The following USP24 variants were observed in gnomAD, a reference collection of about 807,000 sequenced individuals.
The protein encoded by USP24 is ubiquitin carboxyl-terminal hydrolase 24.
In USP24, 97 loss-of-function variants were observed where a neutral mutation model predicts 361.6. The ratio of observed to expected loss-of-function variants is 0.27; its 90% CI spans 0.23 to 0.32. The LOEUF is 0.32. Ranked by LOEUF, USP24 falls within the 10% of genes least tolerant of loss-of-function variation. The pLI is 1.00. For synonymous variants in USP24, 1,098 were observed against 1,124.6 expected, an observed-to-expected ratio of 0.98 and a Z score of 0.47; for missense variants, 2,353 against 3,165.6, an observed-to-expected ratio of 0.74 and a Z score of 6.16.
intron 20 of USP24, 69 bp from the exon 21 acceptor site, chr1:55,144,272 A>C (rs1425445401): frequency 3.8e-6 from 4 of 1,052,874 alleles, no homozygotes; most frequent in Non-Finnish European, 4.0e-6. Flanking sequence ...AAAAGACTCA[A>C]AGTGGATCAA....
At chr1:55,164,365 T>C (rs1020156802) in intron 7 of USP24, among the ~76,000 whole-genome samples, 1 of 152,028 alleles carries the variant, frequency 6.6e-6, no homozygotes, top group Non-Finnish European at 1.5e-5. Flanking sequence ...CAACTTTCAT[T>C]TCTTGTTTTG....
chr1:55,149,371 G>A, intron 16 of USP24, among the ~76,000 whole-genome samples: 1 of 152,230 alleles, frequency 6.6e-6, no homozygotes, highest in Middle Eastern at 3.4e-3. Flanking sequence ...AAAAACTTAA[G>A]TCCTCAGCAT....
At chr1:55,079,033 C>A (rs1645087524) in intron 60 of USP24, among the ~76,000 whole-genome samples, 1 of 150,128 alleles carries the variant, frequency 6.7e-6, no homozygotes, top group Non-Finnish European at 1.5e-5. Flanking sequence ...CATAGATTCA[C>A]ATATCTGTAA....
chr1:55,215,036 G>A lies in USP24; in HGVS notation c.78C>T (p.Ala26=). ...GFSDPATIRK[A]LRLAKNDINE... is the part of the protein sequence containing the mutation. ...TAATGTCGTTCTTGGCCAGGCGCAGGGCCTTGCGGATGGTGGCGGGGTCTG... is the reference window on the plus strand; with the variant it reads ...TAATGTCGTTCTTGGCCAGGCGCAGAGCCTTGCGGATGGTGGCGGGGTCTG... The change falls in exon 1 of 68, where the codon GCC becomes GCT. Residue 26 remains alanine (A), a synonymous_variant. Transcript: ENST00000294383. The A allele has an allele frequency of 6.8e-7, 1 of 1,473,952 alleles. No homozygotes were observed. Among genetic ancestry groups the A allele is most frequent in the Non-Finnish European group, 9.0e-7 (1 of 1,110,724 alleles). The allele number at this position is 1,473,952 out of a possible 1,614,324, so 91.3% of individuals were successfully genotyped here.
In USP24 at chr1:55,079,551, G is replaced by T; in HGVS notation, c.7187C>A (p.Pro2396His). The change falls in exon 60 of 68, where the codon CCT becomes CAT. Residue 2396 changes from proline to histidine, a missense_variant. Around this residue, in one of 8 missense-constraint regions of USP24, gnomAD observed 598 missense variants for 761.9 expected, o/e 0.78. Coordinates refer to ENST00000294383, the MANE Select transcript of USP24 (RefSeq NM_015306.3). ...EALLFMSEGKPYLLEVMFALR... is the reference protein window; with the variant it reads ...EALLFMSEGKHYLLEVMFALR... ...ACAAGTACATACCTCTAACAGGTAA[G>T]GTTTCCCTTCAGACATGAACAACAA... 3.2e-6 allele frequency: 5 copies of T among 1,574,230 alleles called. No homozygotes were observed. The highest frequency in any genetic ancestry group is 4.3e-6 in the Non-Finnish European group (5 of 1,166,980).
chr1:55,207,651 C>T (rs1175788877), intron 1 of USP24, among the ~76,000 whole-genome samples: 1 of 152,018 alleles, frequency 6.6e-6, no homozygotes, highest in East Asian at 1.9e-4. Context: ...TTAAAGTATA[C>T]GGGAAGATGT....
chr1:55,209,226 G>T (rs1644791023), intron 1 of USP24, among the ~76,000 whole-genome samples: 1 of 152,060 alleles, frequency 6.6e-6, no homozygotes, highest in African/African-American at 2.4e-5. Context: ...AATTTTCCAG[G>T]TGTCTGAAGC....
intron 29 of USP24, 81 bp downstream of exon 29, chr1:55,134,247 T>C (rs1187309683): frequency 1.3e-6 from 2 of 1,561,124 alleles, no homozygotes; most frequent in East Asian, 2.3e-5. Flanking sequence ...TAAAATAAAA[T>C]GCATTTCAAG....
chr1:55,092,162 C>T (rs184375860), intron 53 of USP24, 36 bp from the exon 54 acceptor site: 2 of 1,458,482 alleles, frequency 1.4e-6, no homozygotes, highest in African/African-American at 1.7e-5. Context: ...ATATTTTTCA[C>T]AGAAGTTTTA....
At chr1:55,169,765 G>A (rs1649262682) in intron 5 of USP24, among the ~76,000 whole-genome samples, 1 of 152,016 alleles carries the variant, frequency 6.6e-6, no homozygotes, top group Admixed American at 6.6e-5. Context: ...TAAAGTTCAG[G>A]CCATCAAAAA....
intron 41 of USP24, among the ~76,000 whole-genome samples, chr1:55,105,375 G>A (rs934273921): frequency 1.3e-5 from 2 of 152,080 alleles, no homozygotes; most frequent in East Asian, 1.9e-4. Context: ...TTTAAGTAGA[G>A]AAATATTTAT....
chr1:55,071,945 A>C (rs1644929197), intron 66 of USP24, 21 bp from the exon 67 acceptor site: 5 of 1,587,420 alleles, frequency 3.1e-6, no homozygotes, highest in Non-Finnish European at 4.3e-6. Context: ...TTCAAACACA[A>C]GACGACAAAG....
At chr1:55,081,257 A>C in intron 59 of USP24, 65 bp downstream of exon 59, 1 of 1,446,334 alleles carries the variant, frequency 6.9e-7, no homozygotes, top group Non-Finnish European at 9.6e-7. Context: ...TTTACTTGCT[A>C]ATATAATTAC....
intron 50 of USP24, 22 bp from the exon 51 acceptor site, chr1:55,095,418 A>G (rs1338674668): frequency 6.3e-7 from 1 of 1,579,940 alleles, no homozygotes; most frequent in Non-Finnish European, 8.6e-7. Flanking sequence ...GACATTAAGA[A>G]ACACATCTGT....
At chr1:55,175,211 C>T (rs1370146853) in intron 3 of USP24, among the ~76,000 whole-genome samples, 1 of 139,108 alleles carries the variant, frequency 7.2e-6, no homozygotes, top group Admixed American at 7.6e-5. Context: ...CTTTGTTTTA[C>T]TGGGTCTCTT....
rs144636386 is a variant in USP24 at position 55,098,256 on chromosome 1, T to C, written c.5454-172A>G. ...CACTTTGTGACAATTAAGAATTGCCTAAAATTATGAATTTCAATGAATATT... is the reference window on the plus strand; with the variant it reads ...CACTTTGTGACAATTAAGAATTGCCCAAAATTATGAATTTCAATGAATATT... On this transcript the variant is annotated intron_variant, in intron 46 of 67. Coordinates refer to ENST00000294383, the MANE Select transcript of USP24 (RefSeq NM_015306.3). Among the ~76,000 whole-genome samples, 664 of 152,368 alleles carry C rather than the reference T, an allele frequency of 4.4e-3. 2 individuals are homozygous for C. Among genetic ancestry groups the C allele is most frequent in the African/African-American group, 0.015 (644 of 41,582 alleles).
At chr1:55,201,644 T>C (rs969828387) in intron 1 of USP24, among the ~76,000 whole-genome samples, 12 of 132,370 alleles carry the variant, frequency 9.1e-5, no homozygotes, top group Non-Finnish European at 1.3e-4. Flanking sequence ...CAATTTAATA[T>C]GGTGACAAAG....
intron 36 of USP24, among the ~76,000 whole-genome samples, chr1:55,122,672 A>G (rs1646316171): frequency 6.6e-6 from 1 of 152,120 alleles, no homozygotes; most frequent in South Asian, 2.1e-4. Context: ...GAGGGCTTGA[A>G]GGGGGATATG....
intron 38 of USP24, among the ~76,000 whole-genome samples, chr1:55,116,344 C>A (rs1320901781): frequency 1.4e-5 from 2 of 147,630 alleles, no homozygotes; most frequent in African/African-American, 2.6e-5. Context: ...CAAAACAATA[C>A]CAAAAAGAAA....
Sources: allele counts gnomAD v4.1 joint callset (sites outside exome capture counted in the v4.1 genomes callset), GRCh38; gene constraint gnomAD v4.1.1; regional missense constraint gnomAD v4.1.1; transcripts MANE v1.5; gene names NCBI Gene and HGNC (gene_info 2026-07-23, HGNC 2026-07-21).